The following DHX29 variants were observed in gnomAD, a reference collection of about 807,000 sequenced individuals.
The protein encoded by DHX29 is DExH-box helicase 29.
A neutral mutation model predicts 167.9 loss-of-function variants in DHX29; 79 were observed. The ratio of observed to expected loss-of-function variants is 0.47; its 90% CI spans 0.39 to 0.57. The LOEUF (loss-of-function observed/expected upper bound fraction) is 0.57. DHX29 is among the 20% of genes least tolerant of loss of function. The pLI is 0.00. For missense variants in DHX29, 1,347 were observed against 1,593.4 expected (o/e 0.85, Z 2.63); for synonymous variants, 530 against 546.0 (o/e 0.97, Z 0.41).
intron 17 of DHX29, among the ~76,000 whole-genome samples, chr5:55,272,679 G>A (rs1048429532): frequency 8.5e-5 from 13 of 152,142 alleles, no homozygotes; most frequent in South Asian, 2.1e-4. Context: ...GTTGCAGTGA[G>A]CCGAGATTGT....
At chr5:55,294,440 C>G (rs1016009151) in intron 5 of DHX29, among the ~76,000 whole-genome samples, 1 of 152,166 alleles carries the variant, frequency 6.6e-6, no homozygotes, top group Non-Finnish European at 1.5e-5. Context: ...TTCGGGAGGC[C>G]AAAGCGGGCG....
intron 21 of DHX29, 101 bp from the exon 22 acceptor site, chr5:55,267,923 A>C (rs1746661808): frequency 1.4e-6 from 1 of 737,156 alleles, no homozygotes; most frequent in African/African-American, 1.8e-5. Flanking sequence ...ATCACACTTT[A>C]AGTTGCCTGT....
chr5:55,272,208 A>T, intron 17 of DHX29, 33 bp from the exon 18 acceptor site: 1 of 1,291,052 alleles, frequency 7.7e-7, no homozygotes, highest in Non-Finnish European at 1.1e-6. Flanking sequence ...AAACATTTAG[A>T]CTACTTTCAT....
At chr5:55,263,116 A>C (rs1746390342) in intron 23 of DHX29, among the ~76,000 whole-genome samples, 184 bp from the exon 24 acceptor site, 1 of 152,192 alleles carries the variant, frequency 6.6e-6, no homozygotes, top group Non-Finnish European at 1.5e-5. Flanking sequence ...AATTAGAATC[A>C]GCTATTCTCC....
intron 26 of DHX29, 105 bp from the exon 27 acceptor site, chr5:55,256,645 T>G (rs568750556): frequency 2.3e-4 from 223 of 954,276 alleles, no homozygotes; most frequent in Non-Finnish European, 3.2e-4. Flanking sequence ...AATTTTTACA[T>G]TAGAATACAG....
intron 10 of DHX29, among the ~76,000 whole-genome samples, chr5:55,284,238 A>G (rs1246596003): frequency 6.6e-6 from 1 of 152,216 alleles, no homozygotes; most frequent in African/African-American, 2.4e-5. Flanking sequence ...AATATGTTGA[A>G]CTACTGAACA....
In DHX29 at chr5:55,274,848, T is replaced by A. The variant is rs777320546; in HGVS notation, c.2572+18A>T. On this transcript the variant is annotated intron_variant, in intron 15 of 26. Transcript: ENST00000251636. ...TTTTATCAAATCAAATGGAGACCCA[T>A]TAGAAATAGAAATATACCTAAGTAT... 1.9e-6 allele frequency: 3 copies of A among 1,606,724 alleles called. No individual in the cohort carries two copies. In the Admixed American group the frequency reaches 5.2e-5, roughly 28 times the overall value.
intron 1 of DHX29, among the ~76,000 whole-genome samples, chr5:55,302,304 T>C (rs775676700): frequency 7.9e-5 from 12 of 152,192 alleles, no homozygotes; most frequent in Non-Finnish European, 7.3e-5. Context: ...GCCCCAGCTA[T>C]AACCCTTTTA....
intron 6 of DHX29, among the ~76,000 whole-genome samples, chr5:55,291,837 A>G (rs1198415161): frequency 6.6e-6 from 1 of 152,226 alleles, no homozygotes; most frequent in East Asian, 1.9e-4. Context: ...TCCGTGTTGT[A>G]GCATGTACCA....
chr5:55,300,240 G>T (rs1748531976), intron 1 of DHX29, among the ~76,000 whole-genome samples: 1 of 152,096 alleles, frequency 6.6e-6, no homozygotes, highest in Non-Finnish European at 1.5e-5. Context: ...GCACATGTCT[G>T]AAGTCCCAGG....
chr5:55,291,245 TAATAAGTG>T (rs1183884496), intron 6 of DHX29, among the ~76,000 whole-genome samples: 1 of 152,122 alleles, frequency 6.6e-6, no homozygotes, highest in Non-Finnish European at 1.5e-5. Context: ...CCCCTTAGGT[TAATAAGTG>T]ACAGCAGATT....
chr5:55,296,104 TAA>T, intron 4 of DHX29, 114 bp downstream of exon 4: 2 of 1,144,356 alleles, frequency 1.7e-6, no homozygotes, highest in Non-Finnish European at 2.4e-6. Context: ...AAGAACACTT[TAA>T]AAGTAAATAA....
intron 12 of DHX29, among the ~76,000 whole-genome samples, chr5:55,281,029 T>C (rs1228742272): frequency 6.6e-6 from 1 of 151,096 alleles, no homozygotes; most frequent in Non-Finnish European, 1.5e-5. Flanking sequence ...TGTATATATA[T>C]GTATACACAC....
At chr5:55,289,170 G>T (rs76309735) in intron 8 of DHX29, 100 bp downstream of exon 8, 1 of 1,295,990 alleles carries the variant, frequency 7.7e-7, no homozygotes, top group Non-Finnish European at 1.0e-6. Context: ...GCCATCTTAC[G>T]TACTTTGCCA....
chr5:55,283,687 T>C lies in DHX29; in HGVS notation c.1481A>G (p.Lys494Arg), dbSNP rs779258319. 3.7e-6 allele frequency: 6 copies of C among 1,614,170 alleles called. No individual in the cohort carries two copies. The highest frequency in any genetic ancestry group is 2.2e-5 in the South Asian group (2 of 91,080). Residue 494 changes from lysine (K) to arginine (R), a missense_variant, in exon 11 of 27, where the codon AAA (lysine) becomes AGA (arginine). Lys to Arg is a conservative substitution (Grantham distance 26). Transcript: ENST00000251636. ...CTGCTGTTTCAGTTTATTCAGAAGTTTGGCAATAAAAAGATCACGTGGTTT... is the reference window on the plus strand; with the variant it reads ...CTGCTGTTTCAGTTTATTCAGAAGTCTGGCAATAAAAAGATCACGTGGTTT... ...TNKPRDLFIA[K>R]LLNKLKQQQQ...
intron 3 of DHX29, 112 bp from the exon 4 acceptor site, chr5:55,296,461 ACTAT>A (rs1192563311): frequency 7.7e-7 from 1 of 1,297,078 alleles, no homozygotes; most frequent in Non-Finnish European, 1.0e-6. Flanking sequence ...TAATTTCAAA[ACTAT>A]CTTTTTTTTC....
rs767494310 is a variant in DHX29 at position 55,283,187 on chromosome 5, T to G, written c.1965+16A>C. The G allele has an allele frequency of 3.9e-6, 6 of 1,557,758 alleles. No homozygotes were observed. In the African/African-American group the frequency reaches 6.8e-5, roughly 18 times the overall value. On this transcript the variant is annotated intron_variant, in intron 11 of 26. Coordinates refer to ENST00000251636, the MANE Select transcript of DHX29 (RefSeq NM_019030.4). ...GTCACCATCATTCACTGAGGTGGAG[T>G]TGAATGACAGCTTACCCTTCCTCCA...
At chr5:55,284,376 A>G (rs886510518) in intron 10 of DHX29, among the ~76,000 whole-genome samples, 1 of 152,220 alleles carries the variant, frequency 6.6e-6, no homozygotes, top group African/African-American at 2.4e-5. Flanking sequence ...TATACTGGAT[A>G]GAATCTAAGT....
chr5:55,272,503 C>T (rs535367781), intron 17 of DHX29, among the ~76,000 whole-genome samples: 10 of 152,196 alleles, frequency 6.6e-5, no homozygotes, highest in African/African-American at 2.2e-4. Flanking sequence ...GAGGCCGAGG[C>T]GGGAGGATCA....
Sources: gnomAD v4.1 joint callset for allele counts (sites outside exome capture counted in the v4.1 genomes callset) on GRCh38, gnomAD v4.1.1 for gene constraint, MANE v1.5 for transcripts, NCBI Gene and HGNC (gene_info 2026-07-23, HGNC 2026-07-21) for gene names.